The following KCNAB1 variants were observed in gnomAD, a reference collection of about 807,000 sequenced individuals.
KCNAB1 encodes potassium voltage-gated channel subfamily A regulatory beta subunit 1.
KCNAB1 carries 35 observed loss-of-function variants against 64.6 expected under a neutral mutation model. The ratio of observed to expected loss-of-function variants is 0.54; its 90% confidence interval spans 0.41 to 0.72. KCNAB1 has a LOEUF of 0.72. Ranked by LOEUF, KCNAB1 falls within the 30% of genes least tolerant of loss-of-function variation. The pLI, the probability that KCNAB1 is intolerant of heterozygous loss-of-function variation, is 0.00. For synonymous variants in KCNAB1, 177 were observed against 183.8 expected (o/e 0.96, Z 0.30); for missense variants, 401 against 512.9 (o/e 0.78, Z 2.11).
intron 1 of KCNAB1, among the ~76,000 whole-genome samples, chr3:156,253,739 T>A (rs1717955668): frequency 6.6e-6 from 1 of 152,198 alleles, no homozygotes; most frequent in Non-Finnish European, 1.5e-5. Context: ...AACATCAACC[T>A]GGAAACCTGT....
At chr3:156,324,040 T>C (rs1722827877) in intron 1 of KCNAB1, among the ~76,000 whole-genome samples, 1 of 152,132 alleles carries the variant, frequency 6.6e-6, no homozygotes, top group Non-Finnish European at 1.5e-5. Context: ...AAAACCAGAA[T>C]AATTTATTTT....
At chr3:156,479,580 G>A (rs748757407) in intron 8 of KCNAB1, among the ~76,000 whole-genome samples, 1 of 151,838 alleles carries the variant, frequency 6.6e-6, no homozygotes, top group Admixed American at 6.6e-5. Context: ...CAAGAAGAGG[G>A]GACACACTAA....
chr3:156,326,462 G>A (rs1576728101), intron 1 of KCNAB1, among the ~76,000 whole-genome samples: 1 of 152,146 alleles, frequency 6.6e-6, no homozygotes, highest in Admixed American at 6.5e-5. Flanking sequence ...CAGTGCACAA[G>A]AGTAGTAATG....
At chr3:156,413,662 A>G (rs561639436) in intron 1 of KCNAB1, among the ~76,000 whole-genome samples, 1 of 152,294 alleles carries the variant, frequency 6.6e-6, no homozygotes, top group South Asian at 2.1e-4. Context: ...CTTCTGGCAA[A>G]CCACAGAGCC....
intron 1 of KCNAB1, among the ~76,000 whole-genome samples, chr3:156,378,219 G>A (rs1311360055): frequency 6.6e-6 from 1 of 152,088 alleles, no homozygotes; most frequent in Non-Finnish European, 1.5e-5. Context: ...GAGCTTAGGA[G>A]CGGAGATCAC....
At chr3:156,396,231 G>A (rs552205659) in intron 1 of KCNAB1, among the ~76,000 whole-genome samples, 1 of 152,212 alleles carries the variant, frequency 6.6e-6, no homozygotes, top group Admixed American at 6.5e-5. Context: ...TGCATAGCTA[G>A]CACTAACCTT....
intron 1 of KCNAB1, among the ~76,000 whole-genome samples, chr3:156,207,277 C>T (rs1714726658): frequency 6.6e-6 from 1 of 152,038 alleles, no homozygotes; most frequent in Non-Finnish European, 1.5e-5. Flanking sequence ...TATTTATGTC[C>T]CCATTGGGTA....
At chr3:156,454,967 G>A (rs1324216186) in intron 3 of KCNAB1, among the ~76,000 whole-genome samples, 2 of 152,116 alleles carry the variant, frequency 1.3e-5, no homozygotes, top group East Asian at 3.8e-4. Context: ...TAAAAACTAC[G>A]ATAAAGCTGT....
intron 3 of KCNAB1, among the ~76,000 whole-genome samples, chr3:156,456,732 C>T (rs914314584): frequency 1.3e-5 from 2 of 152,230 alleles, no homozygotes; most frequent in Non-Finnish European, 1.5e-5. Flanking sequence ...TGGCCCTTCT[C>T]CACTGCTGTT....
At chr3:156,330,898 G>A (rs1470716485) in intron 1 of KCNAB1, among the ~76,000 whole-genome samples, 1 of 152,098 alleles carries the variant, frequency 6.6e-6, no homozygotes, top group African/African-American at 2.4e-5. Flanking sequence ...TCCTTTTCTA[G>A]GTTACTATTT....
chr3:156,293,630 C>G (rs949040614), intron 1 of KCNAB1, among the ~76,000 whole-genome samples: 35 of 152,208 alleles, frequency 2.3e-4, no homozygotes, highest in African/African-American at 8.0e-4. Context: ...AGCTCTTTAC[C>G]CCAGCTGCAG....
At chr3:156,426,370 G>A (rs912480809) in intron 2 of KCNAB1, among the ~76,000 whole-genome samples, 1 of 152,102 alleles carries the variant, frequency 6.6e-6, no homozygotes, top group African/African-American at 2.4e-5. Context: ...AAAAGCACAA[G>A]GAGTTCCCAT....
chr3:156,192,198 C>A (rs191106705), intron 1 of KCNAB1, among the ~76,000 whole-genome samples: 35 of 152,156 alleles, frequency 2.3e-4, no homozygotes, highest in Admixed American at 1.8e-3. Flanking sequence ...AGCATGAGTT[C>A]ATTCTTTTTA....
At chr3:156,193,513 A>T (rs1479617977) in intron 1 of KCNAB1, among the ~76,000 whole-genome samples, 2 of 152,150 alleles carry the variant, frequency 1.3e-5, no homozygotes, top group African/African-American at 4.8e-5. Flanking sequence ...GAGGCTGGGT[A>T]ATTTATAAGG....
chr3:156,131,643 GCTGACAATGGTAGTCCTAGCTA>G (rs1269537566), intron 1 of KCNAB1, among the ~76,000 whole-genome samples: 1 of 152,204 alleles, frequency 6.6e-6, no homozygotes, highest in Non-Finnish European at 1.5e-5. Context: ...TACAGTGGTG[GCTGACAATGGTAGTCCTAGCTA>G]CTCAGGAAGC....
chr3:156,526,678 TCTCA>T (rs1034673976), intron 12 of KCNAB1, among the ~76,000 whole-genome samples: 20 of 152,260 alleles, frequency 1.3e-4, no homozygotes, highest in Admixed American at 5.9e-4. Flanking sequence ...TCAGGCTCAC[TCTCA>T]CTGTCTTGTC....
intron 8 of KCNAB1, among the ~76,000 whole-genome samples, chr3:156,509,605 G>A (rs1717057385): frequency 6.6e-6 from 1 of 152,222 alleles, no homozygotes; most frequent in Admixed American, 6.5e-5. Flanking sequence ...CACTCCAGGT[G>A]TTTCTAATAT....
intron 1 of KCNAB1, among the ~76,000 whole-genome samples, chr3:156,278,712 G>A (rs1190715767): frequency 6.6e-6 from 1 of 152,074 alleles, no homozygotes; most frequent in East Asian, 1.9e-4. Flanking sequence ...CCAGGCAGCT[G>A]TCATGATCTG....
intron 1 of KCNAB1, among the ~76,000 whole-genome samples, chr3:156,279,966 GT>G (rs1719595017): frequency 6.7e-6 from 1 of 150,158 alleles, no homozygotes; most frequent in African/African-American, 2.5e-5. Context: ...AAGCTCTTTA[GT>G]TTAATTAGAT....
Sources: allele counts gnomAD v4.1 joint callset (sites outside exome capture counted in the v4.1 genomes callset), GRCh38; gene constraint gnomAD v4.1.1; transcripts MANE v1.5; gene names NCBI Gene and HGNC (gene_info 2026-07-23, HGNC 2026-07-21).